Variants in RP1L1 observed in about 807,000 individuals in gnomAD.
RP1L1 encodes RP1 like 1.
A neutral mutation model predicts 15.7 loss-of-function variants in RP1L1; 27 were observed. The observed-to-expected ratio is 1.72, with a 90% CI of 1.27 to 2.38. The LOEUF (loss-of-function observed/expected upper bound fraction) is 2.38, where lower values mean the gene tolerates loss of function less well. Among genes scored for constraint, RP1L1 ranks in the 30% most tolerant of loss-of-function variants. The pLI, the probability that RP1L1 is intolerant of heterozygous loss-of-function variation, is 0.00. For missense variants in RP1L1, 4,798 were observed against 3,075.9 expected (o/e 1.56, Z -13.24); for synonymous variants, 1,813 against 1,276.7 (o/e 1.42, Z -8.96).
intron 1 of RP1L1, among the ~76,000 whole-genome samples, chr8:10,640,082 A>G (rs1240245558): frequency 6.6e-6 from 1 of 152,246 alleles, no homozygotes; most frequent in African/African-American, 2.4e-5. Context: ...TCTCAGGATA[A>G]CACCCATCAT....
intron 1 of RP1L1, among the ~76,000 whole-genome samples, chr8:10,644,641 A>G (rs535273096): frequency 2.0e-5 from 3 of 152,304 alleles, no homozygotes; most frequent in East Asian, 3.9e-4. Context: ...ACAAAACCAG[A>G]ACAAAAACCC....
rs1255927514 is a variant in RP1L1, at chr8:10,626,421, A to G, written c.-19-3201T>C. Among the ~76,000 whole-genome samples, 7 of 152,254 alleles carry G rather than the reference A, an allele frequency of 4.6e-5. No individual in the cohort carries two copies. In the East Asian group the frequency reaches 1.4e-3, roughly 30 times the overall value. On this transcript the variant is annotated intron_variant, in intron 1 of 3. Coordinates refer to ENST00000382483, the MANE Select transcript of RP1L1 (RefSeq NM_178857.6). ...ATGGGAAGCTCACATGTCCCCAGAGAAAAACACGTGGGGCATGCAGCCCCC... is the reference window on the plus strand; with the variant it reads ...ATGGGAAGCTCACATGTCCCCAGAGGAAAACACGTGGGGCATGCAGCCCCC...
Position 10,608,430 on chromosome 8 carries a change from C to A in RP1L1, c.5668G>T (p.Val1890Leu), listed in dbSNP as rs867862311. The A allele has an allele frequency of 6.2e-7, 1 of 1,606,278 alleles. No homozygotes were observed. Among genetic ancestry groups the A allele is most frequent in the African/African-American group, 1.3e-5 (1 of 74,530 alleles). ...TCCCATTCTGCCTCTGGGGTCTCTACATCTTCTGACTCTGGCTGGGCCTCT... is the reference window on the plus strand; with the variant it reads ...TCCCATTCTGCCTCTGGGGTCTCTAAATCTTCTGACTCTGGCTGGGCCTCT... ...EGEAQPESED[V>L]ETPEAEWEVQ... The change falls in exon 4 of 4, where the codon GTA becomes TTA. Residue 1890 changes from valine (V) to leucine (L), a missense_variant. Transcript: ENST00000382483.
At chr8:10,642,708 C>A (rs56926453) in intron 1 of RP1L1, among the ~76,000 whole-genome samples, 3,257 of 152,266 alleles carry the variant, frequency 0.021, 93 homozygotes, top group African/African-American at 0.074. Flanking sequence ...TGCCCAGTCC[C>A]ACTCCTTACA....
At chr8:10,649,747 G>T (rs1798531353) in intron 1 of RP1L1, among the ~76,000 whole-genome samples, 1 of 152,188 alleles carries the variant, frequency 6.6e-6, no homozygotes, top group African/African-American at 2.4e-5. Flanking sequence ...TGGAAATTCT[G>T]CTGGGGCCCC....
intron 1 of RP1L1, among the ~76,000 whole-genome samples, chr8:10,653,459 A>ACACAC (rs1798591518): frequency 6.7e-6 from 1 of 148,714 alleles, no homozygotes; most frequent in Admixed American, 6.7e-5. Flanking sequence ...GTCTCCCTCC[A>ACACAC]ACACACACAC....
At chr8:10,631,325 A>G (rs180953603) in intron 1 of RP1L1, among the ~76,000 whole-genome samples, 5 of 55,424 alleles carry the variant, frequency 9.0e-5, no homozygotes, top group Non-Finnish European at 2.3e-4. Context: ...GCACACACGC[A>G]CACACACATG....
At chr8:10,652,123 G>C (rs1459272572) in intron 1 of RP1L1, among the ~76,000 whole-genome samples, 1 of 152,150 alleles carries the variant, frequency 6.6e-6, no homozygotes, top group Non-Finnish European at 1.5e-5. Context: ...TTTCGTGCAA[G>C]TATACTCTAT....
intron 1 of RP1L1, among the ~76,000 whole-genome samples, chr8:10,634,810 G>A (rs1352174071): frequency 6.6e-6 from 1 of 152,124 alleles, no homozygotes; most frequent in Non-Finnish European, 1.5e-5. Context: ...CCACCTGCAG[G>A]CATTATGGCT....
chr8:10,630,184 T>G (rs1445225672), intron 1 of RP1L1, among the ~76,000 whole-genome samples: 1 of 152,132 alleles, frequency 6.6e-6, no homozygotes, highest in Non-Finnish European at 1.5e-5. Flanking sequence ...CAGCTGGGAG[T>G]GCAGTGGAGG....
chr8:10,644,472 T>G (rs1345413995), intron 1 of RP1L1, among the ~76,000 whole-genome samples: 2 of 152,046 alleles, frequency 1.3e-5, no homozygotes, highest in African/African-American at 4.8e-5. Context: ...TGGGTGTAAG[T>G]CCCCCAGCCC....
chr8:10,629,069 T>C (rs1798200940), intron 1 of RP1L1, among the ~76,000 whole-genome samples: 1 of 152,178 alleles, frequency 6.6e-6, no homozygotes, highest in African/African-American at 2.4e-5. Context: ...GAATAAATAA[T>C]GCTTAGACAG....
At chr8:10,618,707 T>C (rs1176921741) in intron 2 of RP1L1, among the ~76,000 whole-genome samples, 1 of 152,130 alleles carries the variant, frequency 6.6e-6, no homozygotes, top group Non-Finnish European at 1.5e-5. Context: ...TTAATAATAG[T>C]AATTAATAAA....
At chr8:10,617,546 CTTTTTTT>C (rs777209714) in intron 2 of RP1L1, among the ~76,000 whole-genome samples, 4 of 63,418 alleles carry the variant, frequency 6.3e-5, no homozygotes, top group African/African-American at 2.5e-4. Context: ...GTTTCTTTTT[CTTTTTTT>C]TTTTTTTTTT....
chr8:10,649,984 G>C (rs1798534797), intron 1 of RP1L1, among the ~76,000 whole-genome samples: 1 of 152,120 alleles, frequency 6.6e-6, no homozygotes, highest in Admixed American at 6.5e-5. Context: ...AATATGAGCT[G>C]GCCTAAGTCA....
chr8:10,616,216 C>T (rs1048229839), intron 3 of RP1L1, among the ~76,000 whole-genome samples: 1 of 152,164 alleles, frequency 6.6e-6, no homozygotes, highest in Non-Finnish European at 1.5e-5. Context: ...GCCTCTGTTC[C>T]TTTTATATAC....
chr8:10,610,165 T>A lies in RP1L1; in HGVS notation c.3933A>T (p.Glu1311Asp). The A allele has an allele frequency of 6.5e-7, 1 of 1,537,918 alleles. No homozygotes were observed. The part of the protein sequence containing the change: ...VQLEETKEGT[E>D]GEGLQEEAVQ... ...CCGCCTCTTCTTGCAGCCCTTCTCC[T>A]TCTGTTCCTTCTTTAGTTTCCTCTA... is the stretch of plus-strand genomic sequence containing the variant. Residue 1311 changes from glutamate to aspartate, a missense_variant, in exon 4 of 4, where the codon GAA becomes GAT. Transcript: ENST00000382483.
intron 2 of RP1L1, among the ~76,000 whole-genome samples, chr8:10,618,324 ACC>A (rs1255818850): frequency 2.6e-5 from 4 of 151,738 alleles, no homozygotes; most frequent in Non-Finnish European, 5.9e-5. Flanking sequence ...TCATGGTGAA[ACC>A]CCATCTCTAC....
At chr8:10,640,586 G>C in intron 1 of RP1L1, among the ~76,000 whole-genome samples, 1 of 151,818 alleles carries the variant, frequency 6.6e-6, no homozygotes, top group Non-Finnish European at 1.5e-5. Context: ...CCAGCAGGTG[G>C]AGATTGCTGT....
Sources: gnomAD v4.1 joint callset for allele counts (sites outside exome capture counted in the v4.1 genomes callset) on GRCh38, gnomAD v4.1.1 for gene constraint, MANE v1.5 for transcripts, NCBI Gene and HGNC (gene_info 2026-07-23, HGNC 2026-07-21) for gene names.